The following PRKAR1A variants were observed in gnomAD, a reference collection of about 807,000 sequenced individuals.
PRKAR1A encodes cAMP-dependent protein kinase type I-alpha regulatory subunit.
In PRKAR1A, 3 loss-of-function variants were observed where a neutral mutation model predicts 52.0. The observed-to-expected ratio is 0.06, with a 90% CI of 0.03 to 0.15. The LOEUF is 0.15. Ranked by LOEUF, PRKAR1A falls within the 10% of genes least tolerant of loss-of-function variation. The probability of loss-of-function intolerance (pLI) is 1.00; values close to 1 mark genes in which losing one functional copy is unlikely to be tolerated. For synonymous variants in PRKAR1A, 188 were observed against 168.4 expected (o/e 1.12, Z -0.90); for missense variants, 240 against 477.4 (o/e 0.50, Z 4.63).
chr17:68,419,170 C>A, the PRKAR1A span, among the ~76,000 whole-genome samples: 1 of 152,128 alleles, frequency 6.6e-6, no homozygotes, highest in South Asian at 2.1e-4. Flanking sequence ...AAATGACTCA[C>A]CTGCCTTTCT....
At chr17:68,522,195 C>G (rs2085633683) in intron 2 of PRKAR1A, among the ~76,000 whole-genome samples, 1 of 152,204 alleles carries the variant, frequency 6.6e-6, no homozygotes, top group Admixed American at 6.5e-5. Context: ...TCAGGACCCT[C>G]TCCTATTTGT....
chr17:68,448,199 A>ATCCC, the PRKAR1A span: 1 of 152,198 alleles, frequency 6.6e-6, no homozygotes, highest in Non-Finnish European at 1.5e-5. Context: ...ACACCACAGA[A>ATCCC]TCCCTACCTG....
At chr17:68,428,592 A>AG in the PRKAR1A span, 4 of 450,652 alleles carry the variant, frequency 8.9e-6, no homozygotes, top group Non-Finnish European at 1.6e-5. Context: ...GCATAGGCTG[A>AG]GGGGGAGACC....
chr17:68,433,475 T>C, the PRKAR1A span: 10 of 1,613,848 alleles, frequency 6.2e-6, no homozygotes, highest in Middle Eastern at 1.6e-4. Flanking sequence ...TGCCTGTTGG[T>C]GACCTGTTCC....
Position 68,531,961 on chromosome 17 carries a change from A to G in PRKAR1A, c.*1512A>G. ...CTGTGTGCAACTAACTGACTCTGTT[A>G]TTGATCCCTTCTCCTGCCCTTTCCC... On this transcript the variant is annotated 3_prime_UTR_variant, in exon 11 of 11. Transcript: ENST00000589228. 4 of 1,066,058 alleles carry G rather than the reference A, an allele frequency of 3.8e-6. No homozygotes were observed. Among genetic ancestry groups the G allele is most frequent in the Non-Finnish European group, 4.5e-6 (4 of 879,542 alleles). 66.0% of individuals were successfully genotyped at this position (1,066,058 alleles called of 1,614,324 possible). A position where few individuals can be genotyped will look rare whatever the true frequency, so the allele number is the denominator to read the frequency against.
At chr17:68,444,833 T>A in the PRKAR1A span, among the ~76,000 whole-genome samples, 2 of 151,936 alleles carry the variant, frequency 1.3e-5, no homozygotes, top group Non-Finnish European at 2.9e-5. Context: ...TGTTTTTACT[T>A]CTCTCCTTCC....
intron 11 of PRKAR1A, among the ~76,000 whole-genome samples, chr17:68,548,123 A>C (rs2086653204): frequency 6.6e-6 from 1 of 152,200 alleles, no homozygotes; most frequent in Non-Finnish European, 1.5e-5. Flanking sequence ...GGCCAGGTGC[A>C]GTGGCTCACA....
At chr17:68,445,882 A>AG in the PRKAR1A span, among the ~76,000 whole-genome samples, 72 of 152,242 alleles carry the variant, frequency 4.7e-4, 2 homozygotes, top group Middle Eastern at 0.024. Context: ...ATGCCCAAGG[A>AG]GCTGCCCAAG....
the PRKAR1A span, chr17:68,428,631 T>C: frequency 1.8e-5 from 10 of 540,966 alleles, no homozygotes; most frequent in Admixed American, 3.1e-5. Context: ...CCTGGCACTT[T>C]TCCAGATGAT....
chr17:68,421,580 G>A, the PRKAR1A span: 27 of 664,130 alleles, frequency 4.1e-5, no homozygotes, highest in Non-Finnish European at 4.6e-5. Flanking sequence ...AATGTCTCCC[G>A]CGCCCATTGG....
At chr17:68,501,053 T>G in the PRKAR1A span, among the ~76,000 whole-genome samples, 1 of 152,236 alleles carries the variant, frequency 6.6e-6, no homozygotes, top group African/African-American at 2.4e-5. Context: ...TCTTACTGGT[T>G]GGTCAATGCA....
intron 11 of PRKAR1A, among the ~76,000 whole-genome samples, chr17:68,548,725 ATTTTT>A (rs753348891): frequency 2.5e-5 from 2 of 79,158 alleles, no homozygotes; most frequent in Non-Finnish European, 4.5e-5. Context: ...ATGCCTGTAT[ATTTTT>A]TTTTTTTTTT....
At position 68,539,438 on chromosome 17, in the gene PRKAR1A, C is replaced by T. The variant is rs139949522; in HGVS notation, c.973+9437C>T. On this transcript the variant is annotated intron_variant, in intron 11 of 11. Coordinates refer to the PRKAR1A transcript ENST00000585981. Reference sequence around the variant, plus strand: ...GCTTTTATGGGTGGCCGGCAGCATCCTTTGCATTCCCCTGAGGCTTCCTCT... The same window carrying T: ...GCTTTTATGGGTGGCCGGCAGCATCTTTTGCATTCCCCTGAGGCTTCCTCT... The T allele has an allele frequency of 6.1e-5, 95 of 1,564,550 alleles. No homozygotes were observed. The East Asian group carries it at 2.1e-3, about 34-fold the overall frequency.
the PRKAR1A span, among the ~76,000 whole-genome samples, chr17:68,447,052 C>A: frequency 6.6e-6 from 1 of 152,216 alleles, no homozygotes; most frequent in African/African-American, 2.4e-5. Context: ...GCCTTCAACT[C>A]AGCTCCTTGT....
At chr17:68,426,250 G>GGGGGGGGGGGGGT in the PRKAR1A span, 4 of 828,058 alleles carry the variant, frequency 4.8e-6, 1 homozygote, top group South Asian at 1.3e-5. Flanking sequence ...GGTGGGGAGC[G>GGGGGGGGGGGGGT]GGGGCTCAAA....
the PRKAR1A span, chr17:68,427,106 G>T: frequency 6.4e-7 from 1 of 1,567,520 alleles, no homozygotes. Context: ...TGTTGGAGAT[G>T]CTCCCCTGTT....
rs765457476 is a variant in PRKAR1A at position 68,525,909 on chromosome 17, C to T, written c.705C>T (p.Leu235=). The change falls in exon 7 of 11, where the codon CTC becomes CTT. Residue 235 remains leucine, a synonymous_variant. Coordinates refer to ENST00000589228, the MANE Select transcript of PRKAR1A (RefSeq NM_002734.5). ...GIDRDSYRRI[L]MGSTLRKRKM... ...ACCGAGACAGCTATAGAAGAATCCT[C>T]ATGGTAAGAGACCATGGTGTTTGAG... 1.9e-6 allele frequency: 3 copies of T among 1,613,716 alleles called. No homozygotes were observed. The highest frequency in any genetic ancestry group is 1.1e-5 in the South Asian group (1 of 91,066).
the PRKAR1A span, among the ~76,000 whole-genome samples, chr17:68,426,600 T>C: frequency 2.6e-5 from 4 of 152,214 alleles, no homozygotes; most frequent in Admixed American, 2.6e-4. Context: ...TGGTATGATC[T>C]CAGCTCACTG....
the PRKAR1A span, among the ~76,000 whole-genome samples, chr17:68,457,734 C>G: frequency 6.6e-6 from 1 of 152,050 alleles, no homozygotes; most frequent in African/African-American, 2.4e-5. Context: ...GCACCGCCCC[C>G]CTTGGCCAAT....
Sources: allele counts gnomAD v4.1 joint callset (sites outside exome capture counted in the v4.1 genomes callset), GRCh38; gene constraint gnomAD v4.1.1; transcripts MANE v1.5; gene names NCBI Gene and HGNC (gene_info 2026-07-23, HGNC 2026-07-21).